The following ANKMY1 variants were observed in gnomAD, a reference collection of about 807,000 sequenced individuals.
ANKMY1 encodes the protein ankyrin repeat and MYND domain containing 1, also known as ankyrin repeat and MYND domain-containing protein 1.
ANKMY1 carries 98 observed loss-of-function variants against 102.0 expected under a neutral mutation model. The ratio of observed to expected loss-of-function variants is 0.96; its 90% CI spans 0.82 to 1.14. The LOEUF (loss-of-function observed/expected upper bound fraction) is 1.14, where lower values mean the gene tolerates loss of function less well. ANKMY1 is among the 50% of genes most tolerant of loss of function. The pLI, the probability that ANKMY1 is intolerant of heterozygous loss-of-function variation, is 0.00. For synonymous variants in ANKMY1, 582 were observed against 559.9 expected (o/e 1.04, Z -0.56); for missense variants, 1,330 against 1,347.6 (o/e 0.99, Z 0.20).
At chr2:240,551,446 T>C (rs2091510894) in intron 4 of ANKMY1, among the ~76,000 whole-genome samples, 1 of 152,220 alleles carries the variant, frequency 6.6e-6, no homozygotes, top group Non-Finnish European at 1.5e-5. Context: ...TTCCCAAGGC[T>C]TTAACTGAAA....
Position 240,482,249 on chromosome 2 carries a change from G to A in ANKMY1, c.2819C>T (p.Pro940Leu). The A allele has an allele frequency of 4.3e-6, 7 of 1,612,788 alleles. No individual in the cohort carries two copies. Among genetic ancestry groups the A allele is most frequent in the Non-Finnish European group, 5.1e-6 (6 of 1,179,438 alleles). The part of the protein sequence containing the change: ...LYLCKRAELI[P>L]SHRMKKKGPS... ...GCCCTTCTTCTTCATCCTGTGGCTG[G>A]GGATCAGCTCCGCTGCATGAGAGAG... Residue 940 changes from proline to leucine, a missense_variant, in exon 16 of 18, where the codon CCC (proline) becomes CTC (leucine). Pro to Leu is a moderately conservative substitution (Grantham distance 98). Coordinates refer to ENST00000401804, the MANE Select transcript of ANKMY1 (RefSeq NM_001282771.3).
At chr2:240,507,937 C>CTA (rs2079395485) in intron 12 of ANKMY1, 1 of 384,904 alleles carries the variant, frequency 2.6e-6, no homozygotes. Context: ...GAACTCCACC[C>CTA]AGGTGGGCCA....
chr2:240,554,785 C>T (rs1333240053), intron 3 of ANKMY1, 81 bp downstream of exon 3: 8 of 1,510,820 alleles, frequency 5.3e-6, no homozygotes, highest in Middle Eastern at 3.5e-4. Flanking sequence ...TAAAAGTTCC[C>T]GTCCCATCAC....
chr2:240,525,819 G>A lies in ANKMY1; in HGVS notation c.1201C>T (p.Leu401Phe). 1 of 1,614,162 alleles carries A rather than the reference G, an allele frequency of 6.2e-7. No homozygotes were observed. The highest frequency in any genetic ancestry group is 1.1e-5 in the South Asian group (1 of 91,078). ...TTCACGTCGGCCCCACAGTCCAGGA[G>A]AAGGTTGACAATGTCGTTGTGGCAG... ...THCHNDIVNLLLDCGADVNKC... is the reference protein window; with the variant it reads ...THCHNDIVNLFLDCGADVNKC... The change falls in exon 7 of 18, where the codon CTC (leucine) becomes TTC (phenylalanine). Residue 401 changes from leucine to phenylalanine, a missense_variant. Coordinates refer to ENST00000401804, the MANE Select transcript of ANKMY1 (RefSeq NM_001282771.3).
chr2:240,512,203 A>G (rs992538413), intron 10 of ANKMY1, among the ~76,000 whole-genome samples: 1 of 152,220 alleles, frequency 6.6e-6, no homozygotes, highest in Non-Finnish European at 1.5e-5. Flanking sequence ...CACAGAGGTC[A>G]GAGCCATTCT....
At chr2:240,530,961 ATTG>A (rs1030585625) in intron 4 of ANKMY1, among the ~76,000 whole-genome samples, 3 of 151,862 alleles carry the variant, frequency 2.0e-5, no homozygotes, top group African/African-American at 7.3e-5. Flanking sequence ...AAAAAAAGTC[ATTG>A]TTAAGAAAAG....
downstream of ANKMY1, chr2:240,479,404 G>C: frequency 1.5e-6 from 1 of 655,824 alleles, no homozygotes; most frequent in Non-Finnish European, 2.7e-6. Flanking sequence ...TGCCCAGCTA[G>C]GGGCAGAGCA....
Position 240,520,578 on chromosome 2 carries a change from T to C in ANKMY1, c.1833-45A>G, listed in dbSNP as rs1559309977. 2.5e-6 allele frequency: 4 copies of C among 1,570,598 alleles called. No homozygotes were observed. The highest frequency in any genetic ancestry group is 3.5e-6 in the Non-Finnish European group (4 of 1,158,260). On this transcript the variant is annotated intron_variant, in intron 8 of 17. Transcript: ENST00000401804. This position sits in a 1 kb window ranked among gnomAD's most constrained non-coding sequence, Gnocchi z 4.8. ...CGTGGGCCCCTGGAGGGCAGGCACC[T>C]GCACTGCGCCCAGAACGGGGCCATG...
In ANKMY1 at chr2:240,520,363, T is replaced by C. The variant is rs1403569126; in HGVS notation, c.2003A>G (p.Gln668Arg). The change falls in exon 9 of 18, where the codon CAG becomes CGG. Residue 668 changes from glutamine (Q) to arginine (R), a missense_variant and splice_region_variant. Gln to Arg is a conservative substitution (Grantham distance 43, BLOSUM62 1). Transcript: ENST00000401804. This position sits in a 1 kb window ranked among gnomAD's most constrained non-coding sequence, Gnocchi z 4.8. ...GARTDICFPP[Q>R]LSTLTPLHIA... ...GCGCCCGCCCGCCGCGGCTCCTACCTGCGGCGGAAAGCAGATGTCGGTCCT... is the reference window on the plus strand; with the variant it reads ...GCGCCCGCCCGCCGCGGCTCCTACCCGCGGCGGAAAGCAGATGTCGGTCCT... The C allele has an allele frequency of 5.8e-6, 9 of 1,546,100 alleles. No individual in the cohort carries two copies. Among genetic ancestry groups the C allele is most frequent in the African/African-American group, 4.1e-5 (3 of 73,148 alleles).
At chr2:240,519,143 C>G (rs1011990512) in intron 9 of ANKMY1, among the ~76,000 whole-genome samples, 2 of 152,246 alleles carry the variant, frequency 1.3e-5, no homozygotes, top group African/African-American at 4.8e-5. Flanking sequence ...ATAATGGGCC[C>G]CCTGTTCTGG....
intron 5 of ANKMY1, among the ~76,000 whole-genome samples, chr2:240,528,069 A>G (rs1438815865): frequency 6.6e-6 from 1 of 152,114 alleles, no homozygotes; most frequent in Non-Finnish European, 1.5e-5. Flanking sequence ...CGGGTGGATC[A>G]TGAGGTCAGG....
intron 4 of ANKMY1, among the ~76,000 whole-genome samples, chr2:240,538,253 C>G (rs1408614870): frequency 6.6e-6 from 1 of 152,146 alleles, no homozygotes; most frequent in Non-Finnish European, 1.5e-5. Context: ...CCGGAGCCGG[C>G]TCCCTCTGCT....
chr2:240,555,760 G>A (rs55904317), intron 2 of ANKMY1, among the ~76,000 whole-genome samples: 3 of 151,878 alleles, frequency 2.0e-5, no homozygotes, highest in African/African-American at 7.3e-5. Flanking sequence ...ACCACAAAAG[G>A]CGTGGTGCCT....
chr2:240,531,019 G>A (rs1251935831), intron 4 of ANKMY1, among the ~76,000 whole-genome samples: 1 of 151,084 alleles, frequency 6.6e-6, no homozygotes, highest in African/African-American at 2.4e-5. Context: ...ATAAGTATCA[G>A]AATATATATA....
chr2:240,482,112 C>T (rs1011638531), intron 16 of ANKMY1, 71 bp downstream of exon 16: 52 of 1,523,318 alleles, frequency 3.4e-5, no homozygotes, highest in Non-Finnish European at 4.6e-5. Flanking sequence ...GGTGGTCAGG[C>T]CAGGCACAAC....
chr2:240,540,504 G>C (rs951320719), intron 4 of ANKMY1, among the ~76,000 whole-genome samples: 2 of 152,196 alleles, frequency 1.3e-5, no homozygotes, highest in African/African-American at 2.4e-5. Flanking sequence ...AAACTCACCA[G>C]ATCACTGCAT....
In ANKMY1 at chr2:240,525,734, G is replaced by T; in HGVS notation, c.1286C>A (p.Ala429Asp). The change falls in exon 7 of 18, where the codon GCC becomes GAC. Residue 429 changes from alanine to aspartate, a missense_variant. Physicochemically the swap from Ala to Asp is moderately radical, Grantham distance 126 (BLOSUM62 -2). Coordinates refer to ENST00000401804, the MANE Select transcript of ANKMY1 (RefSeq NM_001282771.3). The part of the protein sequence containing the change: ...LSMCFLLHYP[A>D]QSFKPNVAER... Reference sequence around the variant, plus strand: ...AGCAACATTGGGCTTGAAGGACTGGGCGGGGTAGTGGAGGAGGAAACACAT... The same window carrying T: ...AGCAACATTGGGCTTGAAGGACTGGTCGGGGTAGTGGAGGAGGAAACACAT... 1 of 1,614,172 alleles carries T rather than the reference G, an allele frequency of 6.2e-7. No individual in the cohort carries two copies. The highest frequency in any genetic ancestry group is 8.5e-7 in the Non-Finnish European group (1 of 1,180,026).
the ANKMY1 span, among the ~76,000 whole-genome samples, chr2:240,471,542 G>A: frequency 1.3e-5 from 2 of 152,142 alleles, no homozygotes; most frequent in African/African-American, 2.4e-5. Flanking sequence ...AAAAGGGGGA[G>A]AAATAGAAAC....
At chr2:240,514,389 T>C (rs1261500652) in intron 9 of ANKMY1, among the ~76,000 whole-genome samples, 1 of 151,968 alleles carries the variant, frequency 6.6e-6, no homozygotes, top group Non-Finnish European at 1.5e-5. Context: ...GGTGACTTAA[T>C]AAGGAGGGAG....
Sources: allele counts gnomAD v4.1 joint callset (sites outside exome capture counted in the v4.1 genomes callset), GRCh38; gene constraint gnomAD v4.1.1; non-coding constraint Gnocchi (gnomAD v3.1); transcripts MANE v1.5; gene names NCBI Gene and HGNC (gene_info 2026-07-23, HGNC 2026-07-21).